FER: variants seen among roughly 807,000 people sequenced by gnomAD.
FER encodes the protein FER tyrosine kinase, also known as tyrosine-protein kinase Fer.
A neutral mutation model predicts 111.0 loss-of-function variants in FER; 63 were observed. The ratio of observed to expected loss-of-function variants is 0.57; its 90% CI spans 0.46 to 0.70. The LOEUF is 0.70. Ranked by LOEUF, FER falls within the 30% of genes least tolerant of loss-of-function variation. FER has a pLI of 0.00. For synonymous variants in FER, 327 were observed against 313.9 expected, an observed-to-expected ratio of 1.04 and a Z score of -0.44; for missense variants, 914 against 954.0, an observed-to-expected ratio of 0.96 and a Z score of 0.55.
chr5:109,165,595 TGTGTG>T (rs1206532395), intron 17 of FER, among the ~76,000 whole-genome samples: 31 of 45,804 alleles, frequency 6.8e-4, no homozygotes, highest in African/African-American at 2.5e-3. Flanking sequence ...AGGGAACTGG[TGTGTG>T]TGTGTGTGTG....
At chr5:108,854,987 C>T (rs1762864167) in intron 5 of FER, among the ~76,000 whole-genome samples, 1 of 145,378 alleles carries the variant, frequency 6.9e-6, no homozygotes, top group Admixed American at 7.0e-5. Flanking sequence ...AGAGGATTTG[C>T]CATTGAATTG....
intron 8 of FER, among the ~76,000 whole-genome samples, chr5:108,872,610 CTT>C (rs1764705637): frequency 6.6e-6 from 1 of 152,018 alleles, no homozygotes; most frequent in South Asian, 2.1e-4. Flanking sequence ...AAAAAATTGA[CTT>C]TTAATTGAAT....
intron 16 of FER, among the ~76,000 whole-genome samples, chr5:109,054,872 C>T (rs1023970610): frequency 1.3e-5 from 2 of 152,002 alleles, no homozygotes; most frequent in Non-Finnish European, 2.9e-5. Context: ...AACTTTTTAC[C>T]TTCATATTAA....
intron 5 of FER, among the ~76,000 whole-genome samples, chr5:108,841,542 A>G (rs761746306): frequency 1.3e-5 from 2 of 152,244 alleles, no homozygotes; most frequent in Non-Finnish European, 2.9e-5. Flanking sequence ...AATATGGGGA[A>G]TTCAGGTACT....
chr5:109,135,870 G>A (rs1298609492), intron 17 of FER, among the ~76,000 whole-genome samples: 1 of 152,086 alleles, frequency 6.6e-6, no homozygotes, highest in Non-Finnish European at 1.5e-5. Flanking sequence ...AGAAAAGAAA[G>A]CAAAAGCAAC....
intron 16 of FER, among the ~76,000 whole-genome samples, chr5:109,098,007 C>G (rs1260980960): frequency 6.6e-6 from 1 of 151,580 alleles, no homozygotes; most frequent in African/African-American, 2.4e-5. Context: ...ATTTACTTTC[C>G]TAGATTTAAT....
intron 13 of FER, among the ~76,000 whole-genome samples, chr5:108,965,015 T>C (rs1051036954): frequency 2.0e-5 from 3 of 152,118 alleles, no homozygotes; most frequent in Non-Finnish European, 4.4e-5. Flanking sequence ...GATAATTAAA[T>C]ATCAAATTGG....
chr5:108,977,345 T>A (rs1479924667), intron 13 of FER, among the ~76,000 whole-genome samples: 5 of 152,216 alleles, frequency 3.3e-5, no homozygotes, highest in Non-Finnish European at 7.3e-5. Context: ...AATAGTTAGA[T>A]GTATTTTATG....
At chr5:109,016,729 T>C (rs574567065) in intron 13 of FER, among the ~76,000 whole-genome samples, 4 of 152,206 alleles carry the variant, frequency 2.6e-5, no homozygotes, top group South Asian at 2.1e-4. Context: ...TATTTGAATA[T>C]ATACATATTT....
intron 8 of FER, among the ~76,000 whole-genome samples, chr5:108,873,397 G>A (rs549169304): frequency 9.2e-5 from 14 of 152,056 alleles, no homozygotes; most frequent in Non-Finnish European, 1.9e-4. Context: ...CACCCACCTC[G>A]GCCTGCCAGA....
At chr5:109,139,444 G>C (rs578139839) in intron 17 of FER, among the ~76,000 whole-genome samples, 2 of 148,258 alleles carry the variant, frequency 1.3e-5, no homozygotes, top group Admixed American at 6.8e-5. Flanking sequence ...TCCACTTCCC[G>C]GTTCCAAGCC....
At chr5:108,767,261 C>T (rs1029617456) in intron 1 of FER, among the ~76,000 whole-genome samples, 2 of 152,068 alleles carry the variant, frequency 1.3e-5, no homozygotes, top group Non-Finnish European at 2.9e-5. Flanking sequence ...CGAGATCATG[C>T]CAGAGCACTC....
chr5:108,893,903 A>G (rs568459004), intron 9 of FER, among the ~76,000 whole-genome samples: 1 of 152,052 alleles, frequency 6.6e-6, no homozygotes, highest in East Asian at 1.9e-4. Context: ...AGGGGGCTGT[A>G]TTAGTCTGTT....
At chr5:108,838,673 T>C (rs1278864923) in intron 5 of FER, among the ~76,000 whole-genome samples, 1 of 152,206 alleles carries the variant, frequency 6.6e-6, no homozygotes. Context: ...GGAACACTCG[T>C]TTATGTTTAG....
At chr5:108,996,849 G>A (rs1764050105) in intron 13 of FER, among the ~76,000 whole-genome samples, 1 of 152,182 alleles carries the variant, frequency 6.6e-6, no homozygotes, top group East Asian at 1.9e-4. Flanking sequence ...ACATTACTTT[G>A]GGCAATATGG....
chr5:108,870,601 A>G (rs1036074796), intron 6 of FER, among the ~76,000 whole-genome samples: 2 of 151,990 alleles, frequency 1.3e-5, no homozygotes, highest in African/African-American at 4.8e-5. Context: ...ATACTTCACA[A>G]TAAGGGAGCT....
chr5:108,996,663 G>A (rs1046033301), intron 13 of FER, among the ~76,000 whole-genome samples: 4 of 152,156 alleles, frequency 2.6e-5, no homozygotes, highest in Non-Finnish European at 5.9e-5. Context: ...GGTTACTGTA[G>A]CCTTGTGGTA....
At chr5:108,873,830 C>G (rs147705006) in intron 8 of FER, among the ~76,000 whole-genome samples, 1 of 152,120 alleles carries the variant, frequency 6.6e-6, no homozygotes, top group Non-Finnish European at 1.5e-5. Context: ...GACAGCCTCC[C>G]AAACAAAGAA....
intron 16 of FER, among the ~76,000 whole-genome samples, chr5:109,086,058 G>C (rs1398024053): frequency 2.0e-5 from 3 of 150,810 alleles, no homozygotes; most frequent in Non-Finnish European, 3.0e-5. Context: ...CATAAAAACA[G>C]TTAGAAATAT....
Sources: allele counts gnomAD v4.1 joint callset (sites outside exome capture counted in the v4.1 genomes callset), GRCh38; gene constraint gnomAD v4.1.1; transcripts MANE v1.5; gene names NCBI Gene and HGNC (gene_info 2026-07-23, HGNC 2026-07-21).